PLA2G5: variants seen among roughly 807,000 people sequenced by gnomAD.
The protein encoded by PLA2G5 is phospholipase A2 group V.
A neutral mutation model predicts 15.9 loss-of-function variants in PLA2G5; 12 were observed. That is an observed-to-expected ratio of 0.76 (90% CI 0.48 to 1.23). The LOEUF is 1.23. PLA2G5 is among the 50% of genes most tolerant of loss of function. PLA2G5 has a pLI of 0.00. For missense variants in PLA2G5, 169 were observed against 177.1 expected (o/e 0.95, Z 0.26); for synonymous variants, 71 against 71.4 (o/e 0.99, Z 0.03).
In PLA2G5 at chr1:20,089,852, A is replaced by G; in HGVS notation, c.249A>G (p.Thr83=). 1.2e-6 allele frequency: 2 copies of G among 1,614,128 alleles called. No homozygotes were observed. Among genetic ancestry groups the G allele is most frequent in the Non-Finnish European group, 1.7e-6 (2 of 1,179,992 alleles). The change falls in exon 4 of 5, where the codon ACA becomes ACG. Residue 83 remains threonine (T), a synonymous_variant. Coordinates refer to ENST00000375108, the MANE Select transcript of PLA2G5 (RefSeq NM_000929.3). The part of the protein sequence containing the change: ...RLEEKGCNIR[T]QSYKYRFAWG... Reference sequence around the variant, plus strand: ...AGGAGAAGGGCTGCAACATTCGCACACAGTCCTACAAATACAGATTCGCGT... The same window carrying G: ...AGGAGAAGGGCTGCAACATTCGCACGCAGTCCTACAAATACAGATTCGCGT...
At chr1:20,052,908 A>T (rs1053110499) in intron 1 of PLA2G5, among the ~76,000 whole-genome samples, 2 of 152,036 alleles carry the variant, frequency 1.3e-5, no homozygotes, top group African/African-American at 4.8e-5. Context: ...GAATGCCACC[A>T]TCTGTCTGTT....
At chr1:20,084,936 G>C (rs2016208981) in intron 2 of PLA2G5, 66 bp downstream of exon 2, 3 of 1,086,390 alleles carry the variant, frequency 2.8e-6, no homozygotes, top group South Asian at 1.2e-5. Flanking sequence ...GTGGTGAAAA[G>C]GACACCAGCC....
At chr1:20,029,301 T>G (rs929234910) in intron 1 of PLA2G5, among the ~76,000 whole-genome samples, 1 of 151,760 alleles carries the variant, frequency 6.6e-6, no homozygotes, top group Admixed American at 6.6e-5. Context: ...TATTGCCTGT[T>G]GGTGCATTCC....
At chr1:20,080,153 G>A (rs1252171303) in intron 1 of PLA2G5, among the ~76,000 whole-genome samples, 1 of 152,158 alleles carries the variant, frequency 6.6e-6, no homozygotes, top group Non-Finnish European at 1.5e-5. Context: ...CAAAGACCCA[G>A]TGTGGTGGGT....
chr1:20,081,405 G>A (rs1359607149), intron 1 of PLA2G5, among the ~76,000 whole-genome samples: 4 of 138,140 alleles, frequency 2.9e-5, no homozygotes, highest in Non-Finnish European at 6.8e-5. Flanking sequence ...GATTGCCATT[G>A]AAAAGATAGC....
intron 1 of PLA2G5, among the ~76,000 whole-genome samples, chr1:20,029,457 C>A (rs747440217): frequency 1.3e-5 from 2 of 152,042 alleles, no homozygotes; most frequent in Non-Finnish European, 2.9e-5. Context: ...TTCCGCTGAT[C>A]TGCTCCTCTT....
chr1:20,062,714 A>G (rs1557737277), intron 2 of PLA2G5, among the ~76,000 whole-genome samples: 1 of 152,104 alleles, frequency 6.6e-6, no homozygotes, highest in Non-Finnish European at 1.5e-5. Context: ...TTCCCCTACC[A>G]TGTAGCACAG....
rs548731203 is a variant in PLA2G5 at position 20,091,487 on chromosome 1, C to T, written c.*795C>T. On this transcript the variant is annotated 3_prime_UTR_variant, in exon 5 of 5. Coordinates refer to ENST00000375108, the MANE Select transcript of PLA2G5 (RefSeq NM_000929.3). ...CTTCTTCAGCTGTGTGGTCTTGGAC[C>T]CGTTACTGAACCTCTTTGACTTTCA... Among the ~76,000 whole-genome samples the T allele has an allele frequency of 6.6e-6, 1 of 152,268 alleles. No homozygotes were observed. The highest frequency in any genetic ancestry group is 1.5e-5 in the Non-Finnish European group (1 of 68,018).
intron 2 of PLA2G5, among the ~76,000 whole-genome samples, chr1:20,060,367 C>A (rs1307571189): frequency 6.7e-6 from 1 of 148,842 alleles, no homozygotes; most frequent in Non-Finnish European, 1.5e-5. Flanking sequence ...GATTCTCCTG[C>A]CTCAGCCTCC....
intron 1 of PLA2G5, among the ~76,000 whole-genome samples, chr1:20,083,225 G>T (rs2016120275): frequency 1.3e-5 from 2 of 151,950 alleles, no homozygotes; most frequent in South Asian, 4.1e-4. Context: ...ATTCAGAGTT[G>T]CTGCTGGACA....
chr1:20,029,616 A>G (rs1349774446), intron 1 of PLA2G5, among the ~76,000 whole-genome samples: 1 of 152,092 alleles, frequency 6.6e-6, no homozygotes, highest in Non-Finnish European at 1.5e-5. Flanking sequence ...GTGGAGCCCT[A>G]CCGGGGACCA....
intron 1 of PLA2G5, among the ~76,000 whole-genome samples, chr1:20,051,908 A>T (rs539243479): frequency 1.3e-5 from 2 of 152,326 alleles, no homozygotes; most frequent in Non-Finnish European, 2.9e-5. Flanking sequence ...ACCCAATTCA[A>T]GTATTTGATG....
chr1:20,090,514 G>A (rs760866359), intron 4 of PLA2G5, 54 bp from the exon 5 acceptor site: 18 of 1,607,150 alleles, frequency 1.1e-5, no homozygotes, highest in Non-Finnish European at 1.4e-5. Context: ...GGTCTCTGCT[G>A]AGACTGGAGC....
chr1:20,042,303 G>A (rs2013644044), intron 1 of PLA2G5, among the ~76,000 whole-genome samples: 1 of 152,116 alleles, frequency 6.6e-6, no homozygotes, highest in African/African-American at 2.4e-5. Flanking sequence ...GTGTGATCAG[G>A]GTGAGGAACA....
chr1:20,049,572 G>A (rs1346539286), intron 1 of PLA2G5, among the ~76,000 whole-genome samples: 1 of 152,080 alleles, frequency 6.6e-6, no homozygotes, highest in East Asian at 1.9e-4. Context: ...TTCCCTTGCT[G>A]TTCTCATGAT....
Position 20,090,654 on chromosome 1 carries a change from C to G in PLA2G5, c.379C>G (p.Pro127Ala), listed in dbSNP as rs191970079. ...CAAGAGAAACCTACGGAGCTACAAC[C>G]CACAGTACCAATACTTTCCCAACAT... ...CLKRNLRSYNPQYQYFPNILC... is the reference protein window; with the variant it reads ...CLKRNLRSYNAQYQYFPNILC... Residue 127 changes from proline (P) to alanine (A), a missense_variant, in exon 5 of 5, where the codon CCA becomes GCA. Physicochemically the swap from Pro to Ala is conservative, Grantham distance 27 (BLOSUM62 -1). Transcript: ENST00000375108. 2 of 1,614,066 alleles carry G rather than the reference C, an allele frequency of 1.2e-6. No homozygotes were observed. The highest frequency in any genetic ancestry group is 3.3e-5 in the Admixed American group (2 of 60,020).
rs1268229122 is a variant in PLA2G5 at position 20,090,830 on chromosome 1, G to A, written c.*138G>A. On this transcript the variant is annotated 3_prime_UTR_variant, in exon 5 of 5. Transcript: ENST00000375108. ...TTTCTCGAAGCTTGGCGGACCCCCAGGGCCACACTGTACCCTCCAGCGAGT... is the reference window on the plus strand; with the variant it reads ...TTTCTCGAAGCTTGGCGGACCCCCAAGGCCACACTGTACCCTCCAGCGAGT... 3.5e-6 allele frequency: 3 copies of A among 847,546 alleles called. No homozygotes were observed. The highest frequency in any genetic ancestry group is 1.7e-5 in the African/African-American group (1 of 59,926). The allele number at this position is 847,546 out of a possible 1,614,324, so 52.5% of individuals were successfully genotyped here. A position where few individuals can be genotyped will look rare whatever the true frequency, so the allele number is the denominator to read the frequency against.
chr1:20,051,689 C>T (rs2014183666), intron 1 of PLA2G5, among the ~76,000 whole-genome samples: 1 of 152,140 alleles, frequency 6.6e-6, no homozygotes, highest in African/African-American at 2.4e-5. Context: ...GGTTATTTTG[C>T]CAAGGCTTTG....
At chr1:20,081,658 C>T (rs2016033439) in intron 1 of PLA2G5, among the ~76,000 whole-genome samples, 1 of 151,742 alleles carries the variant, frequency 6.6e-6, no homozygotes, top group Non-Finnish European at 1.5e-5. Context: ...GCAGGAGAAA[C>T]CTTGGCTTGG....
Sources: gnomAD v4.1 joint callset for allele counts (sites outside exome capture counted in the v4.1 genomes callset) on GRCh38, gnomAD v4.1.1 for gene constraint, MANE v1.5 for transcripts, NCBI Gene and HGNC (gene_info 2026-07-23, HGNC 2026-07-21) for gene names.